Variants in NCALD observed in about 807,000 individuals in gnomAD.
The protein encoded by NCALD is neurocalcin-delta.
NCALD carries 10 observed loss-of-function variants against 18.6 expected under a neutral mutation model. The observed-to-expected ratio is 0.54, with a 90% CI of 0.33 to 0.91. NCALD has a LOEUF of 0.91. NCALD is among the 40% of genes least tolerant of loss of function. The pLI is 0.03. For missense variants in NCALD, 184 were observed against 247.6 expected (o/e 0.74, Z 1.72); for synonymous variants, 88 against 87.4 (o/e 1.01, Z -0.04).
chr8:101,790,164 A>G (rs1255974975), intron 1 of NCALD, among the ~76,000 whole-genome samples: 1 of 152,184 alleles, frequency 6.6e-6, no homozygotes, highest in African/African-American at 2.4e-5. Flanking sequence ...TTCACAGCTG[A>G]ATTTTCAGGG....
At position 101,968,733 on chromosome 8, in the gene NCALD, T is replaced by TA. The variant is rs200846417; in HGVS notation, c.-157+51503dup. ...CAAAACCCTCCACATCACTCTCCTG[T>TA]AAAAAAAAAATGCTGGTCCAAACAG... On this transcript the variant is annotated intron_variant, in intron 2 of 6. Coordinates refer to the NCALD transcript ENST00000311028. 8.0e-3 allele frequency among the ~76,000 whole-genome samples: 1,198 copies of TA among 149,290 alleles called. 20 individuals are homozygous for TA. The highest frequency in any genetic ancestry group is 0.052 in the Admixed American group (780 of 14,984).
chr8:101,904,752 T>C (rs1817554135), intron 3 of NCALD, among the ~76,000 whole-genome samples: 1 of 152,210 alleles, frequency 6.6e-6, no homozygotes, highest in Non-Finnish European at 1.5e-5. Flanking sequence ...GCCAGACCTC[T>C]CTCTGCTTCC....
intron 2 of NCALD, among the ~76,000 whole-genome samples, chr8:101,715,204 A>G (rs1350126515): frequency 6.6e-6 from 1 of 152,174 alleles, no homozygotes; most frequent in Non-Finnish European, 1.5e-5. Flanking sequence ...TCTTTGACAA[A>G]CCTCACAAAA....
At chr8:101,702,941 G>A (rs924590447) in intron 2 of NCALD, among the ~76,000 whole-genome samples, 1 of 152,200 alleles carries the variant, frequency 6.6e-6, no homozygotes, top group African/African-American at 2.4e-5. Flanking sequence ...CAATGCACAC[G>A]AACATATTAA....
At chr8:101,721,207 G>T (rs952214379) in intron 1 of NCALD, 4 of 152,064 alleles carry the variant, frequency 2.6e-5, no homozygotes, top group South Asian at 2.1e-4. Flanking sequence ...AAAAATTACA[G>T]AATACCTGAA....
chr8:101,729,901 G>C (rs541855727), intron 1 of NCALD, among the ~76,000 whole-genome samples: 1 of 152,056 alleles, frequency 6.6e-6, no homozygotes, highest in Non-Finnish European at 1.5e-5. Context: ...GCAGAACCTC[G>C]TCTAACAGCA....
In NCALD at chr8:101,895,390, A is replaced by C. The variant is rs916882635; in HGVS notation, c.-106-8163T>G. Among the ~76,000 whole-genome samples, 119 of 149,476 alleles carry C rather than the reference A, an allele frequency of 8.0e-4. 1 individual carries two copies. Among genetic ancestry groups the C allele is most frequent in the African/African-American group, 2.9e-3 (116 of 39,486 alleles). On this transcript the variant is annotated intron_variant, in intron 3 of 6. Transcript: ENST00000311028. ...AAAATAATAAGAGCTATCTATGACA[A>C]ACCCACAGCCAATATCATACTGAAT... is the stretch of plus-strand genomic sequence containing the variant.
chr8:101,765,041 T>G (rs1390754879), intron 1 of NCALD, among the ~76,000 whole-genome samples: 3 of 152,196 alleles, frequency 2.0e-5, no homozygotes, highest in Admixed American at 6.5e-5. Context: ...CTCATCAGTA[T>G]GTAGGAAGCT....
chr8:101,854,024 T>A (rs921189838), intron 4 of NCALD, among the ~76,000 whole-genome samples: 5 of 152,210 alleles, frequency 3.3e-5, no homozygotes, highest in African/African-American at 9.6e-5. Context: ...GAGGACTCTA[T>A]GTCAGATATA....
intron 2 of NCALD, among the ~76,000 whole-genome samples, chr8:101,964,070 T>G (rs921532146): frequency 2.0e-5 from 3 of 152,178 alleles, no homozygotes; most frequent in African/African-American, 7.2e-5. Flanking sequence ...TGTAATGATA[T>G]TCTCTTAAGC....
At chr8:101,815,749 A>G (rs368012353) in intron 4 of NCALD, among the ~76,000 whole-genome samples, 51 of 152,270 alleles carry the variant, frequency 3.3e-4, no homozygotes, top group African/African-American at 1.2e-3. Flanking sequence ...TTCTTACAAA[A>G]CTAAACATAC....
chr8:101,757,211 T>G (rs569724542), intron 1 of NCALD, among the ~76,000 whole-genome samples: 47 of 152,184 alleles, frequency 3.1e-4, no homozygotes, highest in Admixed American at 2.0e-3. Context: ...CATTTTCCAT[T>G]ATTCACTAGA....
At chr8:101,961,590 T>A (rs1819837651) in intron 2 of NCALD, among the ~76,000 whole-genome samples, 1 of 152,136 alleles carries the variant, frequency 6.6e-6, no homozygotes, top group South Asian at 2.1e-4. Flanking sequence ...GGTGTCCATT[T>A]GCTAACTATA....
At chr8:101,870,789 G>C (rs940191328) in intron 4 of NCALD, among the ~76,000 whole-genome samples, 2 of 151,684 alleles carry the variant, frequency 1.3e-5, no homozygotes, top group Non-Finnish European at 2.9e-5. Context: ...AGCCTCTACA[G>C]AGACTCGAGA....
At chr8:101,964,534 T>C (rs1167258498) in intron 2 of NCALD, among the ~76,000 whole-genome samples, 4 of 152,144 alleles carry the variant, frequency 2.6e-5, no homozygotes, top group South Asian at 2.1e-4. Context: ...GAGCACCTGG[T>C]GAAATGTGTG....
chr8:101,969,175 A>C (rs1473133907), intron 2 of NCALD, among the ~76,000 whole-genome samples: 1 of 151,650 alleles, frequency 6.6e-6, no homozygotes, highest in East Asian at 1.9e-4. Flanking sequence ...TGCAGTTCTC[A>C]GCACAAAGCT....
chr8:101,742,231 A>T (rs1002246189), intron 1 of NCALD, among the ~76,000 whole-genome samples: 10 of 26,216 alleles, frequency 3.8e-4, no homozygotes. Flanking sequence ...TGTCTCAAAG[A>T]AAAAAAAAAA....
At chr8:102,042,599 G>A (rs1053552569) in intron 1 of NCALD, among the ~76,000 whole-genome samples, 8 of 151,918 alleles carry the variant, frequency 5.3e-5, no homozygotes, top group South Asian at 4.2e-4. Flanking sequence ...CTGGTGTGAG[G>A]TCACATCAGG....
chr8:101,885,519 G>A, intron 4 of NCALD, among the ~76,000 whole-genome samples: 1 of 152,192 alleles, frequency 6.6e-6, no homozygotes, highest in Non-Finnish European at 1.5e-5. Flanking sequence ...AGCAGGGAGT[G>A]GCTTCTTCAC....
Sources: allele counts gnomAD v4.1 joint callset (sites outside exome capture counted in the v4.1 genomes callset), GRCh38; gene constraint gnomAD v4.1.1; transcripts MANE v1.5; gene names NCBI Gene and HGNC (gene_info 2026-07-23, HGNC 2026-07-21).